KCNQ1: variants seen among roughly 807,000 people sequenced by gnomAD.
KCNQ1 encodes the protein potassium voltage-gated channel subfamily KQT member 1.
In KCNQ1, 49 loss-of-function variants were observed where a neutral mutation model predicts 72.4. The ratio of observed to expected loss-of-function variants is 0.68; its 90% CI spans 0.54 to 0.86. KCNQ1 has a LOEUF of 0.86. Among genes scored for constraint, KCNQ1 ranks in the 40% least tolerant of loss-of-function variants. KCNQ1 has a pLI of 0.00. For missense variants in KCNQ1, 790 were observed against 945.1 expected (o/e 0.84, Z 2.15); for synonymous variants, 450 against 412.6 (o/e 1.09, Z -1.10).
intron 15 of KCNQ1, among the ~76,000 whole-genome samples, chr11:2,804,028 C>T (rs1564899481): frequency 2.0e-5 from 3 of 152,170 alleles, no homozygotes; most frequent in Admixed American, 6.5e-5. Flanking sequence ...GGGGAAAGGA[C>T]GGGATGGCGG....
At chr11:2,445,839 ACTC>A (rs1169269155) in intron 1 of KCNQ1, among the ~76,000 whole-genome samples, 8 of 151,758 alleles carry the variant, frequency 5.3e-5, no homozygotes, top group African/African-American at 2.4e-5. Context: ...CAGTAAGATA[ACTC>A]CTCAAGGTCG....
intron 11 of KCNQ1, chr11:2,699,413 GGGCCGCGCT>G: frequency 2.5e-6 from 1 of 404,060 alleles, no homozygotes; most frequent in Non-Finnish European, 4.3e-6. Flanking sequence ...GAGATGGGGA[GGGCCGCGCT>G]GAGGAGAGTC....
In KCNQ1 at chr11:2,620,223, T is replaced by TTA; in HGVS notation, c.1393+31369_1393+31370insTA. 3.7e-6 allele frequency: 1 copy of TTA among 270,922 alleles called. No individual in the cohort carries two copies. Among genetic ancestry groups the TTA allele is most frequent in the African/African-American group, 2.3e-5 (1 of 44,278 alleles). 16.8% of individuals were successfully genotyped at this position (270,922 alleles called of 1,614,324 possible). A position where few individuals can be genotyped will look rare whatever the true frequency, so the allele number is the denominator to read the frequency against. On this transcript the variant is annotated intron_variant, in intron 10 of 15. Coordinates refer to ENST00000155840, the MANE Select transcript of KCNQ1 (RefSeq NM_000218.3). This position sits in a 1 kb window ranked among gnomAD's most constrained non-coding sequence, Gnocchi z 4.5. The stretch of plus-strand genomic sequence containing the variant: ...TGTATATATATATATTTTTTTTTTT[T>TTA]ATTTTTTTTTTAGACGGAGTTTCGC...
rs1850344901 is a variant in KCNQ1, at chr11:2,679,198, T to C, written c.1514+17117T>C. 1.3e-5 allele frequency: 5 copies of C among 398,470 alleles called. No homozygotes were observed. Among genetic ancestry groups the C allele is most frequent in the Non-Finnish European group, 2.2e-5 (5 of 226,074 alleles). The allele number at this position is 398,470 out of a possible 1,614,324, so 24.7% of individuals were successfully genotyped here. A position where few individuals can be genotyped will look rare whatever the true frequency, so the allele number is the denominator to read the frequency against. ...GTCTGAGTTAGGCCACCTGTAACAA[T>C]GCAGCCCCATCCATGTGAAGCTGGT... On this transcript the variant is annotated intron_variant, in intron 11 of 15. Coordinates refer to ENST00000155840, the MANE Select transcript of KCNQ1 (RefSeq NM_000218.3). This position sits in a 1 kb window ranked among gnomAD's most constrained non-coding sequence, Gnocchi z 4.8.
At chr11:2,501,032 C>T (rs1285328621) in intron 1 of KCNQ1, among the ~76,000 whole-genome samples, 1 of 152,072 alleles carries the variant, frequency 6.6e-6, no homozygotes, top group Non-Finnish European at 1.5e-5. Context: ...CTGTGGGATA[C>T]AGCAAAAGCA....
At chr11:2,506,097 G>A (rs1303024704) in intron 1 of KCNQ1, among the ~76,000 whole-genome samples, 5 of 152,244 alleles carry the variant, frequency 3.3e-5, no homozygotes, top group South Asian at 2.1e-4. Context: ...CGTTTACTGC[G>A]GCACTGTTCA....
chr11:2,775,565 G>A (rs1159166866), intron 12 of KCNQ1, among the ~76,000 whole-genome samples: 2 of 152,242 alleles, frequency 1.3e-5, no homozygotes, highest in Non-Finnish European at 2.9e-5. Context: ...GGCATGCAGA[G>A]CTGTGCCTCC....
rs1208022161 is a variant in KCNQ1 at position 2,659,180 on chromosome 11, G to C, written c.1394-2781G>C. On this transcript the variant is annotated intron_variant, in intron 10 of 15. Coordinates refer to ENST00000155840, the MANE Select transcript of KCNQ1 (RefSeq NM_000218.3). This position sits in a 1 kb window ranked among gnomAD's most constrained non-coding sequence, Gnocchi z 4.3. The stretch of plus-strand genomic sequence containing the variant: ...TTCTGTGGGTTTTGACAGATGTCTG[G>C]AGTCATGTGTCCACAATCCAGTATC... 2.5e-6 allele frequency: 1 copy of C among 398,440 alleles called. No individual in the cohort carries two copies. The highest frequency in any genetic ancestry group is 4.4e-6 in the Non-Finnish European group (1 of 226,050). 24.7% of individuals were successfully genotyped at this position (398,440 alleles called of 1,614,324 possible).
At chr11:2,535,129 C>T (rs1589935834) in intron 2 of KCNQ1, among the ~76,000 whole-genome samples, 2 of 152,364 alleles carry the variant, frequency 1.3e-5, no homozygotes, top group East Asian at 3.9e-4. Flanking sequence ...CTCATCTGTC[C>T]TGAGACCTGC....
At chr11:2,555,648 T>A (rs1848059287) in intron 2 of KCNQ1, among the ~76,000 whole-genome samples, 1 of 152,236 alleles carries the variant, frequency 6.6e-6, no homozygotes, top group East Asian at 1.9e-4. Context: ...CAGCAGAGGA[T>A]TCAGGGCCTG....
At chr11:2,751,804 C>A in intron 11 of KCNQ1, among the ~76,000 whole-genome samples, 1 of 152,282 alleles carries the variant, frequency 6.6e-6, no homozygotes, top group East Asian at 1.9e-4. Context: ...CTGTCCCCTA[C>A]ACAGAGTGCC....
Position 2,783,634 on chromosome 11 carries a change from A to G in KCNQ1, c.1794+5597A>G, listed in dbSNP as rs1462570788. Reference sequence around the variant, plus strand: ...TTTGCTTTCTCACCAGTAAAGTATAAAGGTTCCACTTTCTCCACAGCCTTG... The same window carrying G: ...TTTGCTTTCTCACCAGTAAAGTATAGAGGTTCCACTTTCTCCACAGCCTTG... On this transcript the variant is annotated intron_variant, in intron 15 of 15. Transcript: ENST00000155840. The surrounding 1 kb of genome is among the most constrained non-coding windows in gnomAD (Gnocchi z 5.2). Among the ~76,000 whole-genome samples, 1 of 152,082 alleles carries G rather than the reference A, an allele frequency of 6.6e-6. No individual in the cohort carries two copies. Among genetic ancestry groups the G allele is most frequent in the Non-Finnish European group, 1.5e-5 (1 of 67,926 alleles).
At chr11:2,738,372 C>T (rs1334904665) in intron 11 of KCNQ1, among the ~76,000 whole-genome samples, 1 of 152,112 alleles carries the variant, frequency 6.6e-6, no homozygotes, top group Admixed American at 6.5e-5. Context: ...TTGTACCAAG[C>T]AAGGAAAGAG....
At chr11:2,572,286 G>T (rs987124247) in intron 5 of KCNQ1, among the ~76,000 whole-genome samples, 177 bp downstream of exon 5, 1 of 152,210 alleles carries the variant, frequency 6.6e-6, no homozygotes, top group Non-Finnish European at 1.5e-5. Flanking sequence ...CTTGAGCCCA[G>T]CCTGGATGCT....
rs1476612769 is a variant in KCNQ1 at position 2,483,473 on chromosome 11, G to A, written c.386+37989G>A. On this transcript the variant is annotated intron_variant, in intron 1 of 15. Transcript: ENST00000155840. This position sits in a 1 kb window ranked among gnomAD's most constrained non-coding sequence, Gnocchi z 6.1. Reference sequence around the variant, plus strand: ...ACTGCAGATCTGATTCAAATCCCGCGTTTTTCTAGCATCCGGTTTCTGTTC... The same window carrying A: ...ACTGCAGATCTGATTCAAATCCCGCATTTTTCTAGCATCCGGTTTCTGTTC... Among the ~76,000 whole-genome samples, 2 of 152,128 alleles carry A rather than the reference G, an allele frequency of 1.3e-5. No homozygotes were observed. The highest frequency in any genetic ancestry group is 2.1e-4 in the South Asian group (1 of 4,822).
intron 11 of KCNQ1, chr11:2,681,116 C>G (rs565554114): frequency 5.0e-6 from 2 of 398,368 alleles, no homozygotes; most frequent in Admixed American, 8.8e-5. Context: ...AGATGCCCCC[C>G]AAAAAAGCAC....
Position 2,478,008 on chromosome 11 carries a change from T to C in KCNQ1, c.386+32524T>C, listed in dbSNP as rs1381086590. 1.3e-5 allele frequency among the ~76,000 whole-genome samples: 2 copies of C among 152,086 alleles called. No individual in the cohort carries two copies. Among genetic ancestry groups the C allele is most frequent in the African/African-American group, 2.4e-5 (1 of 41,408 alleles). ...CTAGTTACAAAGGAAAAAGAATCACTTTCTAGAGGCAAAGCTGGCGACACC... is the reference window on the plus strand; with the variant it reads ...CTAGTTACAAAGGAAAAAGAATCACCTTCTAGAGGCAAAGCTGGCGACACC... On this transcript the variant is annotated intron_variant, in intron 1 of 15. Transcript: ENST00000155840. The surrounding 1 kb of genome is among the most constrained non-coding windows in gnomAD (Gnocchi z 4.0).
rs572123330 is a variant in KCNQ1 at position 2,724,221 on chromosome 11, C to T, written c.1515-44623C>T. Reference sequence around the variant, plus strand: ...GATCCAGGCTCAGATGATATACAGTCCTCCTCCCGGCTCAGGACCCCTTTG... The same window carrying T: ...GATCCAGGCTCAGATGATATACAGTTCTCCTCCCGGCTCAGGACCCCTTTG... On this transcript the variant is annotated intron_variant, in intron 11 of 15. Transcript: ENST00000155840. This position sits in a 1 kb window ranked among gnomAD's most constrained non-coding sequence, Gnocchi z 6.8. Among the ~76,000 whole-genome samples, 17 of 152,330 alleles carry T rather than the reference C, an allele frequency of 1.1e-4. No individual in the cohort carries two copies. In the South Asian group the frequency reaches 3.5e-3, roughly 32 times the overall value.
At chr11:2,688,744 T>G (rs1314318915) in intron 11 of KCNQ1, 1 of 398,826 alleles carries the variant, frequency 2.5e-6, no homozygotes, top group Non-Finnish European at 4.4e-6. Context: ...GAGCTGCTGC[T>G]GGTTACTGTG....
Sources: gnomAD v4.1 joint callset for allele counts (sites outside exome capture counted in the v4.1 genomes callset) on GRCh38, gnomAD v4.1.1 for gene constraint, Gnocchi (gnomAD v3.1) non-coding constraint, MANE v1.5 for transcripts, NCBI Gene and HGNC (gene_info 2026-07-23, HGNC 2026-07-21) for gene names.